NCOR2: variants seen among roughly 807,000 people sequenced by gnomAD.
NCOR2 encodes the protein CTG repeat protein 26.
A neutral mutation model predicts 262.9 loss-of-function variants in NCOR2; 81 were observed. That is an observed-to-expected ratio of 0.31 (90% confidence interval 0.26 to 0.37). The LOEUF (loss-of-function observed/expected upper bound fraction) is 0.37. Among genes scored for constraint, NCOR2 ranks in the 10% least tolerant of loss-of-function variants. The probability of loss-of-function intolerance (pLI) is 1.00; values close to 1 mark genes in which losing one functional copy is unlikely to be tolerated. For missense variants in NCOR2, 3,385 were observed against 3,621.4 expected (o/e 0.93, Z 1.68); for synonymous variants, 1,659 against 1,559.3 (o/e 1.06, Z -1.51).
chr12:124,394,961 C>T (rs1412820458), intron 16 of NCOR2, among the ~76,000 whole-genome samples: 2 of 152,124 alleles, frequency 1.3e-5, no homozygotes, highest in South Asian at 2.1e-4. Context: ...CCTGGTTTCT[C>T]CCTAGGAATG....
At chr12:124,533,598 G>A (rs1486782713) in intron 1 of NCOR2, among the ~76,000 whole-genome samples, 1 of 152,160 alleles carries the variant, frequency 6.6e-6, no homozygotes, top group Non-Finnish European at 1.5e-5. Context: ...GGAGGACTAG[G>A]TGCTTGGCCG....
chr12:124,439,985 C>T (rs1329853776), intron 7 of NCOR2, among the ~76,000 whole-genome samples: 2 of 151,968 alleles, frequency 1.3e-5, no homozygotes, highest in East Asian at 1.9e-4. Flanking sequence ...TGCACCGAGA[C>T]CCCAGGACCG....
At chr12:124,330,792 G>A in intron 44 of NCOR2, 53 bp downstream of exon 46, 1 of 1,534,996 alleles carries the variant, frequency 6.5e-7, no homozygotes. Context: ...GCAGGGGTGG[G>A]GAGGGAGCGG....
intron 1 of NCOR2, among the ~76,000 whole-genome samples, chr12:124,505,559 AG>A (rs1176673227): frequency 1.3e-5 from 2 of 152,214 alleles, no homozygotes; most frequent in Non-Finnish European, 2.9e-5. Context: ...GCCATTCCAA[AG>A]GGCTCCCACG....
At chr12:124,374,579 G>A (rs1485154287) in intron 18 of NCOR2, 116 bp from the exon 21 acceptor site, 34 of 927,420 alleles carry the variant, frequency 3.7e-5, no homozygotes, top group Middle Eastern at 2.4e-4. Flanking sequence ...GTGAGGCCTC[G>A]CTGCTGCTCG....
At chr12:124,479,468 C>A (rs2047305592) in intron 3 of NCOR2, among the ~76,000 whole-genome samples, 1 of 100,458 alleles carries the variant, frequency 1.0e-5, no homozygotes, top group African/African-American at 3.7e-5. Flanking sequence ...CACACACACA[C>A]AAACACGCAG....
intron 4 of NCOR2, among the ~76,000 whole-genome samples, chr12:124,470,087 G>A (rs1372394254): frequency 6.6e-6 from 1 of 150,788 alleles, no homozygotes; most frequent in Non-Finnish European, 1.5e-5. Context: ...GATCGCTTGA[G>A]CCCAGGAGGT....
chr12:124,401,610 G>T (rs1449721469), intron 14 of NCOR2, among the ~76,000 whole-genome samples: 1 of 152,080 alleles, frequency 6.6e-6, no homozygotes, highest in Non-Finnish European at 1.5e-5. Flanking sequence ...TTTTATGCAG[G>T]CCTAGCCTGC....
At chr12:124,462,118 C>T (rs1001189783) in intron 5 of NCOR2, among the ~76,000 whole-genome samples, 5 of 152,234 alleles carry the variant, frequency 3.3e-5, no homozygotes, top group African/African-American at 7.2e-5. Context: ...CAAAGGCACA[C>T]GTGTATCTAA....
At chr12:124,334,721 G>A in intron 40 of NCOR2, 104 bp from the exon 43 acceptor site, 1 of 634,652 alleles carries the variant, frequency 1.6e-6, no homozygotes, top group South Asian at 2.2e-5. Flanking sequence ...TCCTGGGTGG[G>A]GCCAGCTTCC....
At chr12:124,433,976 T>C (rs1336905513) in intron 8 of NCOR2, among the ~76,000 whole-genome samples, 1 of 143,690 alleles carries the variant, frequency 7.0e-6, no homozygotes, top group African/African-American at 2.5e-5. Flanking sequence ...TGCGGGGTGC[T>C]AGGAGCGCAA....
At chr12:124,361,630 G>C (rs1474430607) in intron 22 of NCOR2, among the ~76,000 whole-genome samples, 2 of 152,248 alleles carry the variant, frequency 1.3e-5, no homozygotes, top group Non-Finnish European at 2.9e-5. Flanking sequence ...GCCAGCTGGG[G>C]AGGGCAGCCC....
chr12:124,470,034 T>C (rs2046748984), intron 4 of NCOR2, among the ~76,000 whole-genome samples: 1 of 151,896 alleles, frequency 6.6e-6, no homozygotes, highest in East Asian at 1.9e-4. Flanking sequence ...GGTGTGGTGA[T>C]GCACACCTGT....
In NCOR2 at chr12:124,339,298, C is replaced by CCCATCCAT. The variant is rs147095017; in HGVS notation, c.5687+700_5687+707dup. 1.9e-3 allele frequency among the ~76,000 whole-genome samples: 249 copies of CCCATCCAT among 129,758 alleles called. 3 individuals carry two copies. The highest frequency in any genetic ancestry group is 6.6e-3 in the African/African-American group (200 of 30,404). The allele number at this position is 129,758 out of a possible 152,430, so 85.1% of individuals were successfully genotyped here. A position where few individuals can be genotyped will look rare whatever the true frequency, so the allele number is the denominator to read the frequency against. ...CCTACCTACCTAACCCAACCACCTG[C>CCCATCCAT]CCATCCATCCATCCATCCATCCATC... is the stretch of plus-strand genomic sequence containing the variant. On this transcript the variant is annotated intron_variant, in intron 37 of 46. Coordinates refer to ENST00000405201, the Ensembl canonical transcript of NCOR2.
chr12:124,543,920 T>G (rs935848307), intron 1 of NCOR2, among the ~76,000 whole-genome samples: 1 of 152,222 alleles, frequency 6.6e-6, no homozygotes, highest in East Asian at 1.9e-4. Context: ...CTCCGCACAA[T>G]GCTAAGCCCC....
chr12:124,464,661 G>A (rs2046334149), intron 5 of NCOR2, among the ~76,000 whole-genome samples: 1 of 152,206 alleles, frequency 6.6e-6, no homozygotes, highest in Non-Finnish European at 1.5e-5. Flanking sequence ...CACTTCTTTG[G>A]TGCCAGACAC....
intron 1 of NCOR2, among the ~76,000 whole-genome samples, chr12:124,542,197 C>A (rs981266181): frequency 3.0e-4 from 45 of 152,108 alleles, no homozygotes; most frequent in African/African-American, 9.9e-4. Flanking sequence ...TGGAGCCTTT[C>A]CCACCAGACC....
exon 47 of NCOR2, chr12:124,325,378 C>CCGG: frequency 8.6e-6 from 2 of 232,296 alleles, no homozygotes; most frequent in Non-Finnish European, 1.3e-5. Context: ...CCTGACACCG[C>CCGG]CCCCCCCCCC....
intron 1 of NCOR2, among the ~76,000 whole-genome samples, chr12:124,534,534 T>C (rs2051020322): frequency 6.6e-6 from 1 of 152,194 alleles, no homozygotes; most frequent in South Asian, 2.1e-4. Context: ...AGAATGTCGT[T>C]ATGCAGCACA....
Sources: gnomAD v4.1 joint callset for allele counts (sites outside exome capture counted in the v4.1 genomes callset) on GRCh38, gnomAD v4.1.1 for gene constraint, MANE v1.5 for transcripts, NCBI Gene and HGNC (gene_info 2026-07-23, HGNC 2026-07-21) for gene names.